Variants in MOB3B observed in about 807,000 individuals in gnomAD.
MOB3B encodes the protein MOB kinase activator 3B.
A neutral mutation model predicts 18.7 loss-of-function variants in MOB3B; 7 were observed. That is an observed-to-expected ratio of 0.37 (90% CI 0.21 to 0.70). The LOEUF is 0.70. Ranked by LOEUF, MOB3B falls within the 30% of genes least tolerant of loss-of-function variation. MOB3B has a pLI of 0.52. For synonymous variants in MOB3B, 111 were observed against 99.9 expected, an observed-to-expected ratio of 1.11 and a Z score of -0.66; for missense variants, 253 against 281.3, an observed-to-expected ratio of 0.90 and a Z score of 0.72.
rs539299510 is a variant in MOB3B, at chr9:27,358,105, GT to G, written c.621+928del. Among the ~76,000 whole-genome samples, 16 of 151,906 alleles carry G rather than the reference GT, an allele frequency of 1.1e-4. No homozygotes were observed. In the East Asian group the frequency reaches 3.1e-3, roughly 29 times the overall value. Reference sequence around the variant, plus strand: ...TAATAAAACCTGTGTTTTAAAATAGGTACATAAAGAGAAAGGGATAAAGGGT... The same window carrying G: ...TAATAAAACCTGTGTTTTAAAATAGGACATAAAGAGAAAGGGATAAAGGGT... On this transcript the variant is annotated intron_variant, in intron 3 of 3. Coordinates refer to ENST00000262244, the MANE Select transcript of MOB3B (RefSeq NM_024761.5).
chr9:27,470,850 CTTA>C (rs1484855595), intron 1 of MOB3B, among the ~76,000 whole-genome samples: 2 of 152,192 alleles, frequency 1.3e-5, no homozygotes, highest in Non-Finnish European at 2.9e-5. Context: ...TTGACTTGTT[CTTA>C]TTGAGTTCTA....
chr9:27,397,942 T>A (rs1563858667), intron 2 of MOB3B, among the ~76,000 whole-genome samples: 1 of 152,214 alleles, frequency 6.6e-6, no homozygotes, highest in African/African-American at 2.4e-5. Flanking sequence ...TCTCTAGACA[T>A]GGCCAGATGT....
At chr9:27,472,867 C>T (rs1363981793) in intron 1 of MOB3B, among the ~76,000 whole-genome samples, 1 of 152,088 alleles carries the variant, frequency 6.6e-6, no homozygotes, top group East Asian at 1.9e-4. Context: ...TAGGTGAAAA[C>T]TGAAAAATAC....
chr9:27,478,065 A>G (rs1819582491), intron 1 of MOB3B, among the ~76,000 whole-genome samples: 1 of 152,252 alleles, frequency 6.6e-6, no homozygotes, highest in Non-Finnish European at 1.5e-5. Context: ...GATTAAAAAA[A>G]CTAAATAGAA....
chr9:27,405,896 T>C (rs1487061223), intron 2 of MOB3B, among the ~76,000 whole-genome samples: 1 of 152,166 alleles, frequency 6.6e-6, no homozygotes, highest in Admixed American at 6.5e-5. Context: ...ATAAAAACTC[T>C]CAAAACCTGA....
At chr9:27,355,442 A>C (rs1821174561) in intron 3 of MOB3B, among the ~76,000 whole-genome samples, 1 of 152,248 alleles carries the variant, frequency 6.6e-6, no homozygotes, top group Admixed American at 6.5e-5. Flanking sequence ...CTAGAATGTG[A>C]AGCCAAATGC....
intron 1 of MOB3B, among the ~76,000 whole-genome samples, chr9:27,502,617 C>T (rs1820007085): frequency 6.6e-6 from 1 of 152,190 alleles, no homozygotes; most frequent in South Asian, 2.1e-4. Flanking sequence ...GGAACACGGC[C>T]AGGGCAGCCA....
intron 3 of MOB3B, among the ~76,000 whole-genome samples, chr9:27,342,660 G>A (rs979551045): frequency 2.6e-5 from 4 of 152,186 alleles, no homozygotes; most frequent in East Asian, 3.9e-4. Context: ...TGGAGACGGG[G>A]TTTCGCCTTG....
chr9:27,376,828 G>A (rs545888374), intron 2 of MOB3B, among the ~76,000 whole-genome samples: 2 of 152,340 alleles, frequency 1.3e-5, no homozygotes, highest in South Asian at 2.1e-4. Flanking sequence ...CCAGCAATCT[G>A]TGCTTTAAGA....
intron 2 of MOB3B, among the ~76,000 whole-genome samples, chr9:27,410,395 CTG>C (rs1243676883): frequency 1.3e-5 from 2 of 152,138 alleles, no homozygotes; most frequent in African/African-American, 4.8e-5. Context: ...ATATTGGAAA[CTG>C]ACAAATTTGA....
chr9:27,487,335 C>T (rs892483785), intron 1 of MOB3B, among the ~76,000 whole-genome samples: 1 of 151,976 alleles, frequency 6.6e-6, no homozygotes. Context: ...CAGAGAACAT[C>T]CCCTGCCCAG....
At chr9:27,392,792 C>T (rs756492555) in intron 2 of MOB3B, among the ~76,000 whole-genome samples, 1 of 152,188 alleles carries the variant, frequency 6.6e-6, no homozygotes, top group African/African-American at 2.4e-5. Flanking sequence ...ACTTACATAA[C>T]CAATTGGTCT....
intron 2 of MOB3B, among the ~76,000 whole-genome samples, chr9:27,440,379 C>CTTT (rs11310943): frequency 1.4e-5 from 2 of 143,678 alleles, no homozygotes; most frequent in African/African-American, 5.1e-5. Context: ...ATGATTCCTT[C>CTTT]TTTTTTTTTT....
intron 1 of MOB3B, among the ~76,000 whole-genome samples, chr9:27,496,409 T>C (rs1398028895): frequency 6.6e-6 from 1 of 152,202 alleles, no homozygotes; most frequent in Non-Finnish European, 1.5e-5. Flanking sequence ...GACTCTCAGG[T>C]TATTCGATTG....
At chr9:27,405,220 G>C (rs1821948665) in intron 2 of MOB3B, among the ~76,000 whole-genome samples, 1 of 142,368 alleles carries the variant, frequency 7.0e-6, no homozygotes, top group Non-Finnish European at 1.5e-5. Context: ...CAATTCTCCT[G>C]CCTCAGCCTC....
intron 2 of MOB3B, among the ~76,000 whole-genome samples, chr9:27,368,353 T>TAC (rs138287792): frequency 0.097 from 14,059 of 145,568 alleles, 685 homozygotes; most frequent in Middle Eastern, 0.11. Context: ...CACACATACA[T>TAC]ACACACACAC....
At chr9:27,478,801 G>A (rs938425689) in intron 1 of MOB3B, among the ~76,000 whole-genome samples, 10 of 113,192 alleles carry the variant, frequency 8.8e-5, no homozygotes, top group African/African-American at 3.1e-4. Context: ...TCCCAAGCAG[G>A]ATTAAAAAGA....
intron 1 of MOB3B, among the ~76,000 whole-genome samples, chr9:27,493,488 A>G (rs1407182464): frequency 6.6e-6 from 1 of 152,070 alleles, no homozygotes; most frequent in East Asian, 1.9e-4. Flanking sequence ...AAAATACAAG[A>G]AAATTAGCCA....
In MOB3B at chr9:27,470,415, T is replaced by C. The variant is rs941595415; in HGVS notation, c.-198-14667A>G. Among the ~76,000 whole-genome samples, 5 of 152,298 alleles carry C rather than the reference T, an allele frequency of 3.3e-5. No individual in the cohort carries two copies. In the East Asian group the frequency reaches 5.8e-4, roughly 18 times the overall value. ...ATCGGACAACTCCCCAGACCCCTAATGCTGACTGCACTTGTCAGTGGCTAA... is the reference window on the plus strand; with the variant it reads ...ATCGGACAACTCCCCAGACCCCTAACGCTGACTGCACTTGTCAGTGGCTAA... On this transcript the variant is annotated intron_variant, in intron 1 of 3. Coordinates refer to ENST00000262244, the MANE Select transcript of MOB3B (RefSeq NM_024761.5).
Sources: gnomAD v4.1 joint callset for allele counts (sites outside exome capture counted in the v4.1 genomes callset) on GRCh38, gnomAD v4.1.1 for gene constraint, MANE v1.5 for transcripts, NCBI Gene and HGNC (gene_info 2026-07-23, HGNC 2026-07-21) for gene names.